The following TUSC1 variants were observed in gnomAD, a reference collection of about 807,000 sequenced individuals.
The protein encoded by TUSC1 is tumor suppressor candidate gene 1 protein.
In TUSC1, 8 loss-of-function variants were observed where a neutral mutation model predicts 5.2. The observed-to-expected ratio is 1.54, with a 90% CI of 0.90 to 2.77. The LOEUF (loss-of-function observed/expected upper bound fraction) is 2.77, where lower values mean the gene tolerates loss of function less well. Among genes scored for constraint, TUSC1 ranks in the 30% most tolerant of loss-of-function variants. The pLI is 0.00. For synonymous variants in TUSC1, 192 were observed against 144.2 expected, an observed-to-expected ratio of 1.33 and a Z score of -2.37; for missense variants, 442 against 324.2, an observed-to-expected ratio of 1.36 and a Z score of -2.79.
At position 25,678,100 on chromosome 9, in the gene TUSC1, C is replaced by T. The variant is rs1299131022; in HGVS notation, c.213G>A (p.Glu71=). Residue 71 remains glutamate (E), a synonymous_variant, in exon 1 of 1, where the codon GAG becomes GAA. Transcript: ENST00000358022. The stretch of plus-strand genomic sequence containing the variant: ...CCCACTCGTCCCGCGCACGGATGGC[C>T]TCCAAGTGGCTCGCCGCCAGGTCGG... ...RFADLAASHL[E]AIRARDEWDR... is the part of the protein sequence containing the mutation. The T allele has an allele frequency of 2.5e-6, 4 of 1,573,874 alleles. No individual in the cohort carries two copies. Among genetic ancestry groups the T allele is most frequent in the African/African-American group, 1.4e-5 (1 of 72,708 alleles).
Position 25,677,415 on chromosome 9 carries a change from G to T in TUSC1, c.*268C>A. 2.0e-6 allele frequency: 1 copy of T among 491,384 alleles called. No homozygotes were observed. Among genetic ancestry groups the T allele is most frequent in the Non-Finnish European group, 3.4e-6 (1 of 290,544 alleles). 30.4% of individuals were successfully genotyped at this position (491,384 alleles called of 1,614,324 possible). ...AAATCCGTCCCTTCGTTGTTGGCTA[G>T]GCCTCTCTCCAGGGAAACTAGCCGG... On this transcript the variant is annotated 3_prime_UTR_variant, in exon 1 of 1. Transcript: ENST00000358022.
In TUSC1 at chr9:25,677,866, G is replaced by A. The variant is rs1202335655; in HGVS notation, c.447C>T (p.Gly149=). ...ARDSGREDEP[G]SPRALRARLE... Reference sequence around the variant, plus strand: ...GTCGGGCCCTCAGGGCCCTGGGGCTGCCCGGCTCGTCCTCTCGGCCGCTGT... The same window carrying A: ...GTCGGGCCCTCAGGGCCCTGGGGCTACCCGGCTCGTCCTCTCGGCCGCTGT... The change falls in exon 1 of 1, where the codon GGC becomes GGT. Residue 149 remains glycine (G), a synonymous_variant. Transcript: ENST00000358022. 1.2e-5 allele frequency: 19 copies of A among 1,594,606 alleles called. No homozygotes were observed. The highest frequency in any genetic ancestry group is 4.5e-5 in the East Asian group (2 of 44,210).
Position 25,678,242 on chromosome 9 carries a change from C to T in TUSC1, c.71G>A (p.Arg24Gln), listed in dbSNP as rs1424284470. The T allele has an allele frequency of 1.2e-5, 17 of 1,412,696 alleles. No homozygotes were observed. Among genetic ancestry groups the T allele is most frequent in the South Asian group, 2.8e-5 (2 of 70,440 alleles). The allele number at this position is 1,412,696 out of a possible 1,614,324, so 87.5% of individuals were successfully genotyped here. ...CCGGDGAADG[R>Q]GPGRSGRARG... The stretch of plus-strand genomic sequence containing the variant: ...AGCCCGGCCGGAGCGGCCTGGCCCT[C>T]GGCCGTCCGCAGCACCGTCCCCGCC... Residue 24 changes from arginine (R) to glutamine (Q), a missense_variant, in exon 1 of 1, where the codon CGA (arginine) becomes CAA (glutamine). Physicochemically the swap from Arg to Gln is conservative, Grantham distance 43. Transcript: ENST00000358022.
Position 25,677,756 on chromosome 9 carries a change from T to A in TUSC1, c.557A>T (p.Glu186Val), listed in dbSNP as rs1034409882. Residue 186 changes from glutamate (E) to valine (V), a missense_variant, in exon 1 of 1, where the codon GAG (glutamate) becomes GTG (valine). Transcript: ENST00000358022. ...QRGPRPSGDK[E>V]EQPLQEPDSG... is the part of the protein sequence containing the mutation. ...GTCGGGTTCCTGTAGAGGCTGCTCC[T>A]CCTTGTCCCCGCTCGGACGTGGTCC... 1 of 1,580,248 alleles carries A rather than the reference T, an allele frequency of 6.3e-7. No individual in the cohort carries two copies. Among genetic ancestry groups the A allele is most frequent in the African/African-American group, 1.3e-5 (1 of 74,188 alleles).
Position 25,678,400 on chromosome 9 carries a change from G to A in TUSC1, c.-88C>T. On this transcript the variant is annotated 5_prime_UTR_variant, in exon 1 of 1. Transcript: ENST00000358022. Reference sequence around the variant, plus strand: ...CAAGTTCGGGGCTGGCAGGGCGGCCGGGGTGACGACGGAGGAGGAGAGGAG... The same window carrying A: ...CAAGTTCGGGGCTGGCAGGGCGGCCAGGGTGACGACGGAGGAGGAGAGGAG... 8.3e-7 allele frequency: 1 copy of A among 1,207,592 alleles called. No homozygotes were observed. Among genetic ancestry groups the A allele is most frequent in the East Asian group, 3.9e-5 (1 of 25,924 alleles). The allele number at this position is 1,207,592 out of a possible 1,614,324, so 74.8% of individuals were successfully genotyped here. A position where few individuals can be genotyped will look rare whatever the true frequency, so the allele number is the denominator to read the frequency against.
rs1819077736 is a variant in TUSC1, at chr9:25,677,869, C to A, written c.444G>T (p.Pro148=). 1 of 1,594,116 alleles carries A rather than the reference C, an allele frequency of 6.3e-7. No homozygotes were observed. Residue 148 remains proline (P), a synonymous_variant, in exon 1 of 1, where the codon CCG becomes CCT. Transcript: ENST00000358022. The part of the protein sequence containing the change: ...RARDSGREDE[P]GSPRALRARL... Reference sequence around the variant, plus strand: ...GGGCCCTCAGGGCCCTGGGGCTGCCCGGCTCGTCCTCTCGGCCGCTGTCTC... The same window carrying A: ...GGGCCCTCAGGGCCCTGGGGCTGCCAGGCTCGTCCTCTCGGCCGCTGTCTC...
Position 25,677,596 on chromosome 9 carries a change from C to A in TUSC1, c.*87G>T. On this transcript the variant is annotated 3_prime_UTR_variant, in exon 1 of 1. Transcript: ENST00000358022. ...AAGGTATCCGCGGGCAGGGAGCGGG[C>A]CAGGGCGTGCGCGAGGTCGGGGGTA... 1.4e-6 allele frequency: 2 copies of A among 1,438,798 alleles called. No homozygotes were observed. Among genetic ancestry groups the A allele is most frequent in the Non-Finnish European group, 9.1e-7 (1 of 1,101,738 alleles). The allele number at this position is 1,438,798 out of a possible 1,614,324, so 89.1% of individuals were successfully genotyped here.
chr9:25,678,242 C>G lies in TUSC1; in HGVS notation c.71G>C (p.Arg24Pro). The G allele has an allele frequency of 7.1e-7, 1 of 1,412,802 alleles. No individual in the cohort carries two copies. Among genetic ancestry groups the G allele is most frequent in the Non-Finnish European group, 9.2e-7 (1 of 1,083,346 alleles). The allele number at this position is 1,412,802 out of a possible 1,614,324, so 87.5% of individuals were successfully genotyped here. A position where few individuals can be genotyped will look rare whatever the true frequency, so the allele number is the denominator to read the frequency against. ...AGCCCGGCCGGAGCGGCCTGGCCCTCGGCCGTCCGCAGCACCGTCCCCGCC... is the reference window on the plus strand; with the variant it reads ...AGCCCGGCCGGAGCGGCCTGGCCCTGGGCCGTCCGCAGCACCGTCCCCGCC... ...CCGGDGAADGRGPGRSGRARG... is the reference protein window; with the variant it reads ...CCGGDGAADGPGPGRSGRARG... Residue 24 changes from arginine to proline, a missense_variant, in exon 1 of 1, where the codon CGA (arginine) becomes CCA (proline). Coordinates refer to ENST00000358022, the MANE Select transcript of TUSC1 (RefSeq NM_001004125.3).
rs1001817360 is a variant in TUSC1 at position 25,677,307 on chromosome 9, A to G, written c.*376T>C. 47 of 226,364 alleles carry G rather than the reference A, an allele frequency of 2.1e-4. No homozygotes were observed. 14.0% of individuals were successfully genotyped at this position (226,364 alleles called of 1,614,324 possible). ...CCTCAGAACCAAAATACAGGAAAAAAAAAAATACAACAGGTTCGCACAACA... is the reference window on the plus strand; with the variant it reads ...CCTCAGAACCAAAATACAGGAAAAAGAAAAATACAACAGGTTCGCACAACA... On this transcript the variant is annotated 3_prime_UTR_variant, in exon 1 of 1. Transcript: ENST00000358022.
In TUSC1 at chr9:25,677,645, C is replaced by T; in HGVS notation, c.*38G>A. On this transcript the variant is annotated 3_prime_UTR_variant, in exon 1 of 1. Transcript: ENST00000358022. ...TAGCTGGGAACGGAGGAGGAGGGGC[C>T]CGCTCGAGGCTCCGCCTCTCACCGG... 6.8e-7 allele frequency: 1 copy of T among 1,461,164 alleles called. No individual in the cohort carries two copies. The highest frequency in any genetic ancestry group is 1.4e-5 in the African/African-American group (1 of 70,320). 90.5% of individuals were successfully genotyped at this position (1,461,164 alleles called of 1,614,324 possible).
At position 25,677,810 on chromosome 9, in the gene TUSC1, G is replaced by GC. The variant is rs1204198410; in HGVS notation, c.502dup (p.Ala168GlyfsTer142). The GC allele has an allele frequency of 6.3e-7, 1 of 1,592,820 alleles. No individual in the cohort carries two copies. The highest frequency in any genetic ancestry group is 8.5e-7 in the Non-Finnish European group (1 of 1,171,024). On this transcript the variant is annotated frameshift_variant, in exon 1 of 1. Coordinates refer to ENST00000358022, the MANE Select transcript of TUSC1 (RefSeq NM_001004125.3). LOFTEE classifies it low-confidence loss of function (END_TRUNC). Reference sequence around the variant, plus strand: ...CTGCTCGAGGTGCAGCTGCAGCAGGGCCCGGCGGTACATGGCTTCCAGCTT... The same window carrying GC: ...CTGCTCGAGGTGCAGCTGCAGCAGGGCCCCGGCGGTACATGGCTTCCAGCTT...
chr9:25,677,705 T>A lies in TUSC1; in HGVS notation c.608A>T (p.Glu203Val), dbSNP rs1330092658. Residue 203 changes from glutamate (E) to valine (V), a missense_variant, in exon 1 of 1, where the codon GAG becomes GTG. Physicochemically the swap from Glu to Val is moderately radical, Grantham distance 121. Coordinates refer to ENST00000358022, the MANE Select transcript of TUSC1 (RefSeq NM_001004125.3). ...PDSGLRSRDSEPSGPWL is the reference protein window; with the variant it reads ...PDSGLRSRDSVPSGPWL ...CGGCTACAGCCAGGGCCCAGAGGGCTCCGAGTCCCGGGAGCGGAGGCCGGA... is the reference window on the plus strand; with the variant it reads ...CGGCTACAGCCAGGGCCCAGAGGGCACCGAGTCCCGGGAGCGGAGGCCGGA... 10 of 1,554,174 alleles carry A rather than the reference T, an allele frequency of 6.4e-6. No individual in the cohort carries two copies. The highest frequency in any genetic ancestry group is 8.7e-6 in the Non-Finnish European group (10 of 1,149,568).
Position 25,676,969 on chromosome 9 carries a change from T to A in TUSC1, c.*714A>T, listed in dbSNP as rs549039364. 6.6e-6 allele frequency: 1 copy of A among 152,334 alleles called. No homozygotes were observed. Among genetic ancestry groups the A allele is most frequent in the African/African-American group, 2.4e-5 (1 of 41,590 alleles). The allele number at this position is 152,334 out of a possible 1,614,324, so 9.4% of individuals were successfully genotyped here. On this transcript the variant is annotated 3_prime_UTR_variant, in exon 1 of 1. Transcript: ENST00000358022. ...ATAATACTCGCCGCAACCTTTCAGA[T>A]AATTTTTAATGCACCAGATTTATTT...
At position 25,677,675 on chromosome 9, in the gene TUSC1, G is replaced by GGCCTCGGCTACA; in HGVS notation, c.626_*7dup. 2 of 1,501,422 alleles carry GGCCTCGGCTACA rather than the reference G, an allele frequency of 1.3e-6. No individual in the cohort carries two copies. Among genetic ancestry groups the GGCCTCGGCTACA allele is most frequent in the Non-Finnish European group, 1.8e-6 (2 of 1,125,178 alleles). 93.0% of individuals were successfully genotyped at this position (1,501,422 alleles called of 1,614,324 possible). A position where few individuals can be genotyped will look rare whatever the true frequency, so the allele number is the denominator to read the frequency against. On this transcript the variant is annotated 3_prime_UTR_variant, in exon 1 of 1. Transcript: ENST00000358022. ...CGAGGCTCCGCCTCTCACCGGCTGC[G>GGCCTCGGCTACA]GCCTCGGCTACAGCCAGGGCCCAGA...
chr9:25,677,556 AAGGCACCGT>A lies in TUSC1; in HGVS notation c.*118_*126del. ...GGAAGTGTCCACTGGTGGGGGCGGG[AAGGCACCGT>A]AGTCCAAGGTATCCGCGGGCAGGGA... On this transcript the variant is annotated 3_prime_UTR_variant, in exon 1 of 1. Transcript: ENST00000358022. 1 of 1,427,672 alleles carries A rather than the reference AAGGCACCGT, an allele frequency of 7.0e-7. No homozygotes were observed. Among genetic ancestry groups the A allele is most frequent in the Non-Finnish European group, 9.1e-7 (1 of 1,093,964 alleles). 88.4% of individuals were successfully genotyped at this position (1,427,672 alleles called of 1,614,324 possible).
Position 25,677,704 on chromosome 9 carries a change from C to A in TUSC1, c.609G>T (p.Glu203Asp). Reference protein sequence around the residue: ...PDSGLRSRDSEPSGPWL With the variant: ...PDSGLRSRDSDPSGPWL Reference sequence around the variant, plus strand: ...TCGGCTACAGCCAGGGCCCAGAGGGCTCCGAGTCCCGGGAGCGGAGGCCGG... The same window carrying A: ...TCGGCTACAGCCAGGGCCCAGAGGGATCCGAGTCCCGGGAGCGGAGGCCGG... The change falls in exon 1 of 1, where the codon GAG (glutamate) becomes GAT (aspartate). Residue 203 changes from glutamate to aspartate, a missense_variant. Transcript: ENST00000358022. 1.3e-6 allele frequency: 2 copies of A among 1,553,392 alleles called. No individual in the cohort carries two copies. Among genetic ancestry groups the A allele is most frequent in the Non-Finnish European group, 1.7e-6 (2 of 1,149,210 alleles).
At position 25,677,488 on chromosome 9, in the gene TUSC1, G is replaced by C. The variant is rs1024627661; in HGVS notation, c.*195C>G. ...CATGTGGGAGGTCCTGAGGGCCCTT[G>C]CACCCACTCGACCTCCACCAAGCGG... On this transcript the variant is annotated 3_prime_UTR_variant, in exon 1 of 1. Coordinates refer to ENST00000358022, the MANE Select transcript of TUSC1 (RefSeq NM_001004125.3). The C allele has an allele frequency of 1.9e-6, 2 of 1,074,658 alleles. No homozygotes were observed. The highest frequency in any genetic ancestry group is 5.9e-5 in the Admixed American group (2 of 34,184). 66.6% of individuals were successfully genotyped at this position (1,074,658 alleles called of 1,614,324 possible). A position where few individuals can be genotyped will look rare whatever the true frequency, so the allele number is the denominator to read the frequency against.
In TUSC1 at chr9:25,678,232, G is replaced by GCCTGGCCCTCGGCCGTCCGCAGCAC; in HGVS notation, c.56_80dup (p.Arg28CysfsTer112). On this transcript the variant is annotated frameshift_variant, in exon 1 of 1. Coordinates refer to ENST00000358022, the MANE Select transcript of TUSC1 (RefSeq NM_001004125.3). LOFTEE classifies it high-confidence loss of function. ...CCCCACCACGAGCCCGGCCGGAGCG[G>GCCTGGCCCTCGGCCGTCCGCAGCAC]CCTGGCCCTCGGCCGTCCGCAGCAC... is the stretch of plus-strand genomic sequence containing the variant. 1.4e-6 allele frequency: 2 copies of GCCTGGCCCTCGGCCGTCCGCAGCAC among 1,384,456 alleles called. No individual in the cohort carries two copies. Among genetic ancestry groups the GCCTGGCCCTCGGCCGTCCGCAGCAC allele is most frequent in the Non-Finnish European group, 1.9e-6 (2 of 1,068,042 alleles). 85.8% of individuals were successfully genotyped at this position (1,384,456 alleles called of 1,614,324 possible).
Position 25,677,610 on chromosome 9 carries a change from A to T in TUSC1, c.*73T>A. The T allele has an allele frequency of 6.9e-7, 1 of 1,440,414 alleles. No homozygotes were observed. The highest frequency in any genetic ancestry group is 2.8e-5 in the Admixed American group (1 of 35,202). 89.2% of individuals were successfully genotyped at this position (1,440,414 alleles called of 1,614,324 possible). On this transcript the variant is annotated 3_prime_UTR_variant, in exon 1 of 1. Transcript: ENST00000358022. Reference sequence around the variant, plus strand: ...CAGGGAGCGGGCCAGGGCGTGCGCGAGGTCGGGGGTAGCTGGGAACGGAGG... The same window carrying T: ...CAGGGAGCGGGCCAGGGCGTGCGCGTGGTCGGGGGTAGCTGGGAACGGAGG...
Sources: allele counts gnomAD v4.1 joint callset, GRCh38; gene constraint gnomAD v4.1.1; transcripts MANE v1.5; gene names NCBI Gene and HGNC (gene_info 2026-07-23, HGNC 2026-07-21).